NKAIN3: variants seen among roughly 807,000 people sequenced by gnomAD.
NKAIN3 encodes sodium/potassium transporting ATPase interacting 3.
In NKAIN3, 25 loss-of-function variants were observed where a neutral mutation model predicts 30.2. That is an observed-to-expected ratio of 0.83 (90% CI 0.60 to 1.16). The LOEUF (loss-of-function observed/expected upper bound fraction) is 1.16, where lower values mean the gene tolerates loss of function less well. Ranked by LOEUF, NKAIN3 falls within the 50% of genes most tolerant of loss-of-function variation. The pLI is 0.00. For synonymous variants in NKAIN3, 91 were observed against 89.6 expected (o/e 1.02, Z -0.09); for missense variants, 225 against 254.1 (o/e 0.89, Z 0.78).
intron 4 of NKAIN3, among the ~76,000 whole-genome samples, chr8:62,870,380 T>C (rs573213141): frequency 7.3e-6 from 1 of 136,684 alleles, no homozygotes; most frequent in Non-Finnish European, 1.5e-5. Flanking sequence ...ATATATACAC[T>C]ATATATGTAC....
intron 4 of NKAIN3, among the ~76,000 whole-genome samples, chr8:62,798,662 T>C (rs1308203468): frequency 6.6e-6 from 1 of 152,190 alleles, no homozygotes. Flanking sequence ...AAATGTTTCT[T>C]TTCACCCATG....
intron 4 of NKAIN3, among the ~76,000 whole-genome samples, chr8:62,774,440 A>G (rs1271700108): frequency 6.6e-6 from 1 of 152,074 alleles, no homozygotes; most frequent in Non-Finnish European, 1.5e-5. Context: ...TTGCATTACT[A>G]TGTTGAATTA....
intron 1 of NKAIN3, among the ~76,000 whole-genome samples, chr8:62,406,009 AATAAGAAT>A (rs1321604944): frequency 1.3e-5 from 2 of 152,228 alleles, no homozygotes; most frequent in Non-Finnish European, 2.9e-5. Context: ...TCCTTTCTCC[AATAAGAAT>A]ATAAGTTCTT....
intron 3 of NKAIN3, among the ~76,000 whole-genome samples, chr8:62,669,404 G>T (rs1210195950): frequency 6.6e-6 from 1 of 152,074 alleles, no homozygotes. Context: ...CATCTTCATG[G>T]CACATGGTCT....
intron 4 of NKAIN3, among the ~76,000 whole-genome samples, chr8:62,837,480 A>G (rs1333538805): frequency 6.6e-6 from 1 of 152,178 alleles, no homozygotes; most frequent in Non-Finnish European, 1.5e-5. Flanking sequence ...GTAATTTTTA[A>G]TTGTTCTGTG....
At chr8:62,922,798 C>T (rs577237578) in intron 5 of NKAIN3, among the ~76,000 whole-genome samples, 2 of 151,732 alleles carry the variant, frequency 1.3e-5, no homozygotes, top group South Asian at 4.2e-4. Flanking sequence ...GTCCTAAAGG[C>T]TGATTCTCTC....
intron 1 of NKAIN3, among the ~76,000 whole-genome samples, chr8:62,284,541 G>T (rs1375511412): frequency 6.6e-6 from 1 of 152,046 alleles, no homozygotes; most frequent in Non-Finnish European, 1.5e-5. Context: ...CAGGAGAATT[G>T]CTTGAACCTT....
At chr8:62,471,098 T>C (rs1300038575) in intron 1 of NKAIN3, among the ~76,000 whole-genome samples, 1 of 152,168 alleles carries the variant, frequency 6.6e-6, no homozygotes, top group African/African-American at 2.4e-5. Flanking sequence ...AACCAACTTG[T>C]GAAAAAAATG....
intron 1 of NKAIN3, among the ~76,000 whole-genome samples, chr8:62,268,669 T>C (rs1812681227): frequency 6.6e-6 from 1 of 152,206 alleles, no homozygotes; most frequent in Non-Finnish European, 1.5e-5. Flanking sequence ...CAGTCAGTAT[T>C]ATCCCTCTTT....
chr8:62,580,919 T>G lies in NKAIN3; in HGVS notation c.192+1243T>G, dbSNP rs1317037507. Among the ~76,000 whole-genome samples the G allele has an allele frequency of 2.0e-5, 3 of 147,670 alleles. 1 individual carries two copies. The highest frequency in any genetic ancestry group is 7.4e-5 in the African/African-American group (3 of 40,406). ...CAGCTAGGGTTTTTATATATATATA[T>G]ATATATAGAAATCCAGTGTCTACAA... On this transcript the variant is annotated intron_variant, in intron 2 of 6. Transcript: ENST00000623646.
At chr8:62,452,296 C>T (rs545865243) in intron 1 of NKAIN3, among the ~76,000 whole-genome samples, 29 of 151,900 alleles carry the variant, frequency 1.9e-4, no homozygotes, top group African/African-American at 6.5e-4. Flanking sequence ...GCCAACATAG[C>T]GAAACCACAT....
At chr8:62,681,436 T>C (rs1215448761) in intron 3 of NKAIN3, among the ~76,000 whole-genome samples, 2 of 152,222 alleles carry the variant, frequency 1.3e-5, no homozygotes, top group African/African-American at 4.8e-5. Context: ...ACTCAGTTAA[T>C]TTTTCTTTTA....
At chr8:62,863,187 C>A in intron 4 of NKAIN3, 1 of 1,539,020 alleles carries the variant, frequency 6.5e-7, no homozygotes, top group Non-Finnish European at 8.9e-7. Context: ...ATTCTTCTAT[C>A]TCCTGCAGGC....
At chr8:62,964,408 T>G (rs1431949843) in intron 6 of NKAIN3, among the ~76,000 whole-genome samples, 1 of 152,144 alleles carries the variant, frequency 6.6e-6, no homozygotes, top group African/African-American at 2.4e-5. Flanking sequence ...TTCCAAAGGC[T>G]TACAGCTTAG....
At chr8:62,632,204 A>G (rs1052196264) in intron 3 of NKAIN3, among the ~76,000 whole-genome samples, 3 of 152,158 alleles carry the variant, frequency 2.0e-5, no homozygotes, top group African/African-American at 4.8e-5. Context: ...ATATTGATTT[A>G]GTAGATTCCC....
chr8:62,253,887 T>C (rs185806533), intron 1 of NKAIN3, among the ~76,000 whole-genome samples: 144 of 152,332 alleles, frequency 9.5e-4, no homozygotes, highest in Non-Finnish European at 1.8e-3. Context: ...ACTGATACTT[T>C]GGCTTTGACA....
chr8:62,337,914 G>T (rs1004936611), intron 1 of NKAIN3, among the ~76,000 whole-genome samples: 1 of 152,050 alleles, frequency 6.6e-6, no homozygotes, highest in South Asian at 2.1e-4. Context: ...GTGAGTCGCT[G>T]TTGCACAATA....
intron 1 of NKAIN3, among the ~76,000 whole-genome samples, chr8:62,345,532 CACACATATATACACATATATGTATATAT>C (rs1563942877): frequency 9.8e-6 from 1 of 102,160 alleles, no homozygotes; most frequent in Middle Eastern, 4.9e-3. Flanking sequence ...TGTATATATA[CACACATATATACACATATATGTATATAT>C]ACACATATAT....
intron 4 of NKAIN3, among the ~76,000 whole-genome samples, chr8:62,752,426 A>G (rs1002127945): frequency 1.3e-5 from 2 of 152,158 alleles, no homozygotes; most frequent in African/African-American, 4.8e-5. Context: ...CCTGCATGAG[A>G]ACATAATTCC....
Sources: gnomAD v4.1 joint callset for allele counts (sites outside exome capture counted in the v4.1 genomes callset) on GRCh38, gnomAD v4.1.1 for gene constraint, MANE v1.5 for transcripts, NCBI Gene and HGNC (gene_info 2026-07-23, HGNC 2026-07-21) for gene names.